The following MLIP variants were observed in gnomAD, a reference collection of about 807,000 sequenced individuals.
The protein encoded by MLIP is muscular LMNA-interacting protein.
A neutral mutation model predicts 84.8 loss-of-function variants in MLIP; 79 were observed. That is an observed-to-expected ratio of 0.93 (90% CI 0.78 to 1.12). The LOEUF (loss-of-function observed/expected upper bound fraction) is 1.12. Ranked by LOEUF, MLIP falls within the 50% of genes most tolerant of loss-of-function variation. The pLI, the probability that MLIP is intolerant of heterozygous loss-of-function variation, is 0.00. For synonymous variants in MLIP, 504 were observed against 463.0 expected, an observed-to-expected ratio of 1.09 and a Z score of -1.14; for missense variants, 1,257 against 1,160.6, an observed-to-expected ratio of 1.08 and a Z score of -1.21.
intron 1 of MLIP, among the ~76,000 whole-genome samples, chr6:54,037,512 TGA>T (rs1458206235): frequency 6.6e-6 from 1 of 151,894 alleles, no homozygotes; most frequent in Non-Finnish European, 1.5e-5. Context: ...CTAAAGCCTG[TGA>T]AAGAGGCTTA....
chr6:54,131,991 T>G lies in MLIP; in HGVS notation c.646-4724T>G, dbSNP rs1348425126. On this transcript the variant is annotated intron_variant, in intron 3 of 13. Transcript: ENST00000502396. ...AGTAGTTGTGTGCTGAGACGTGGTC[T>G]TGTATCTTCCAGTAAACTAGCCTGA... Among the ~76,000 whole-genome samples the G allele has an allele frequency of 2.0e-5, 3 of 152,146 alleles. 1 individual carries two copies. The highest frequency in any genetic ancestry group is 2.0e-4 in the Admixed American group (3 of 15,276).
intron 12 of MLIP, among the ~76,000 whole-genome samples, chr6:54,232,083 T>C (rs984349363): frequency 1.3e-5 from 2 of 152,072 alleles, no homozygotes; most frequent in Non-Finnish European, 2.9e-5. Context: ...CCATTCTTGG[T>C]CTAGAAAATA....
upstream of MLIP, among the ~76,000 whole-genome samples, chr6:54,110,852 C>A (rs1005552828): frequency 3.9e-5 from 6 of 152,216 alleles, no homozygotes; most frequent in Non-Finnish European, 8.8e-5. Context: ...GAATGAAATT[C>A]TGTTTTGACA....
At chr6:54,153,935 A>G (rs1773743000) in intron 5 of MLIP, among the ~76,000 whole-genome samples, 1 of 152,094 alleles carries the variant, frequency 6.6e-6, no homozygotes, top group African/African-American at 2.4e-5. Context: ...TATTAGAGAA[A>G]CATTGCTTAA....
At chr6:54,054,454 G>A (rs917484220) in intron 1 of MLIP, among the ~76,000 whole-genome samples, 6 of 151,524 alleles carry the variant, frequency 4.0e-5, no homozygotes, top group East Asian at 1.9e-4. Context: ...AAAAATGACG[G>A]GTCTCCTTGA....
In MLIP at chr6:54,090,858, T is replaced by C. The variant is rs1459070034; in HGVS notation, c.64-30589T>C. 2.0e-5 allele frequency among the ~76,000 whole-genome samples: 3 copies of C among 152,182 alleles called. No homozygotes were observed. The East Asian group carries it at 5.8e-4, about 29-fold the overall frequency. On this transcript the variant is annotated intron_variant, in intron 1 of 12. Coordinates refer to the MLIP transcript ENST00000274897. Reference sequence around the variant, plus strand: ...TTGAATCCCACTTATTTGAGATTAATGTAGGGGACAAAGTGACTTTGTTAA... The same window carrying C: ...TTGAATCCCACTTATTTGAGATTAACGTAGGGGACAAAGTGACTTTGTTAA...
At chr6:54,096,848 T>C (rs777285427) in intron 1 of MLIP, among the ~76,000 whole-genome samples, 1 of 152,208 alleles carries the variant, frequency 6.6e-6, no homozygotes, top group Non-Finnish European at 1.5e-5. Context: ...GGGTCATTGA[T>C]GCTGTGGCAC....
intron 9 of MLIP, among the ~76,000 whole-genome samples, chr6:54,179,737 G>GT (rs553858614): frequency 3.7e-4 from 56 of 151,806 alleles, no homozygotes; most frequent in Non-Finnish European, 2.9e-5. Context: ...ACTTTTTGTT[G>GT]TTTTTTTATG....
intron 1 of MLIP, among the ~76,000 whole-genome samples, chr6:54,076,790 G>A (rs1431810944): frequency 2.0e-5 from 3 of 152,112 alleles, no homozygotes; most frequent in East Asian, 1.9e-4. Flanking sequence ...TCATGGGGAC[G>A]GGTTGGTATT....
intron 1 of MLIP, among the ~76,000 whole-genome samples, chr6:54,105,046 G>C (rs921881133): frequency 2.0e-5 from 3 of 152,172 alleles, no homozygotes; most frequent in African/African-American, 4.8e-5. Flanking sequence ...CGCTGATCTA[G>C]AACCTCATTT....
rs780184418 is a variant in MLIP at position 54,136,495 on chromosome 6, T to TA, written c.646-217dup. Among the ~76,000 whole-genome samples the TA allele has an allele frequency of 2.0e-4, 31 of 152,352 alleles. No homozygotes were observed. The East Asian group carries it at 4.1e-3, about 20-fold the overall frequency. ...TTTACATTGATTTCATTCTGTGGGATAAATGAGGTATAGGATGTAATGCTT... is the reference window on the plus strand; with the variant it reads ...TTTACATTGATTTCATTCTGTGGGATAAAATGAGGTATAGGATGTAATGCTT... On this transcript the variant is annotated intron_variant, in intron 3 of 13. Transcript: ENST00000502396.
chr6:54,189,817 TA>T, intron 9 of MLIP, 52 bp from the exon 10 acceptor site: 3 of 1,343,522 alleles, frequency 2.2e-6, no homozygotes, highest in Non-Finnish European at 3.2e-6. Context: ...AACACATACA[TA>T]TTTTAATAAA....
Position 54,136,994 on chromosome 6 carries a change from A to C in MLIP, c.925A>C (p.Asn309His), listed in dbSNP as rs975672267. 6.5e-7 allele frequency: 1 copy of C among 1,535,880 alleles called. No homozygotes were observed. The highest frequency in any genetic ancestry group is 8.7e-7 in the Non-Finnish European group (1 of 1,146,868). Residue 309 changes from asparagine to histidine, a missense_variant, in exon 4 of 14, where the codon AAT becomes CAT. Physicochemically the swap from Asn to His is moderately conservative, Grantham distance 68 (BLOSUM62 1). Coordinates refer to ENST00000502396, the MANE Select transcript of MLIP (RefSeq NM_001281747.2). ...CCATTCCACTCAACTATCAGGTTCT[A>C]ATTTACCCAGTTCAACTGCAGCAGA... ...FPHSTQLSGS[N>H]LPSSTAADPK...
At chr6:54,028,631 T>C (rs1261413204) in intron 1 of MLIP, among the ~76,000 whole-genome samples, 1 of 152,206 alleles carries the variant, frequency 6.6e-6, no homozygotes, top group African/African-American at 2.4e-5. Context: ...TTCTGGCATG[T>C]TTTGTTGTGC....
At chr6:54,244,091 C>A (rs560947970) in intron 12 of MLIP, among the ~76,000 whole-genome samples, 24 of 152,096 alleles carry the variant, frequency 1.6e-4, no homozygotes, top group African/African-American at 5.3e-4. Context: ...TGAAAAAAGT[C>A]ATCTTGAATT....
intron 11 of MLIP, chr6:54,217,032 C>T (rs942216194): frequency 1.0e-6 from 1 of 985,350 alleles, no homozygotes; most frequent in Non-Finnish European, 1.2e-6. Context: ...AAGTTCTAGA[C>T]AGCAAAGGAA....
chr6:54,050,032 T>G (rs551011374), intron 1 of MLIP, among the ~76,000 whole-genome samples: 206 of 152,124 alleles, frequency 1.4e-3, no homozygotes, highest in African/African-American at 4.7e-3. Flanking sequence ...GCAAAGTGGG[T>G]AGAGAGGGTT....
intron 11 of MLIP, 54 bp from the exon 12 acceptor site, chr6:54,230,660 G>T: frequency 6.5e-7 from 1 of 1,539,626 alleles, no homozygotes. Context: ...AATTCCAAGC[G>T]TGCTTGACTT....
At chr6:54,095,955 G>A (rs1408969987) in intron 1 of MLIP, among the ~76,000 whole-genome samples, 1 of 152,082 alleles carries the variant, frequency 6.6e-6, no homozygotes, top group Non-Finnish European at 1.5e-5. Context: ...TACTTCAGAT[G>A]GAGTGTGACT....
Sources: allele counts gnomAD v4.1 joint callset (sites outside exome capture counted in the v4.1 genomes callset), GRCh38; gene constraint gnomAD v4.1.1; transcripts MANE v1.5; gene names NCBI Gene and HGNC (gene_info 2026-07-23, HGNC 2026-07-21).